Variants in SHISA9 observed in about 807,000 individuals in gnomAD.
SHISA9 encodes shisa family member 9.
SHISA9 carries 13 observed loss-of-function variants against 38.0 expected under a neutral mutation model. The ratio of observed to expected loss-of-function variants is 0.34; its 90% confidence interval spans 0.22 to 0.54. The LOEUF is 0.54. Among genes scored for constraint, SHISA9 ranks in the 20% least tolerant of loss-of-function variants. SHISA9 has a pLI of 0.91. For synonymous variants in SHISA9, 275 were observed against 242.0 expected (o/e 1.14, Z -1.27); for missense variants, 538 against 575.8 (o/e 0.93, Z 0.67).
intron 2 of SHISA9, among the ~76,000 whole-genome samples, chr16:13,022,610 T>G (rs12919932): frequency 0.45 from 69,018 of 151,788 alleles, 15,925 homozygotes; most frequent in Middle Eastern, 0.52. Flanking sequence ...GGGATTACAG[T>G]TGTAAGCCAC....
the SHISA9 span, among the ~76,000 whole-genome samples, chr16:13,363,309 T>C: frequency 6.6e-6 from 1 of 152,252 alleles, no homozygotes; most frequent in South Asian, 2.1e-4. Context: ...GGAAAGGTTT[T>C]TCTTGAGGAA....
chr16:13,325,345 T>C, the SHISA9 span, among the ~76,000 whole-genome samples: 1 of 152,228 alleles, frequency 6.6e-6, no homozygotes, highest in Non-Finnish European at 1.5e-5. Context: ...AAGATCTCTC[T>C]TTTCATGTTA....
chr16:13,221,793 A>G (rs573440069), intron 4 of SHISA9, among the ~76,000 whole-genome samples: 5 of 152,296 alleles, frequency 3.3e-5, no homozygotes, highest in Admixed American at 1.3e-4. Context: ...TCCATCTCTT[A>G]CTGTCTTAGC....
At position 13,235,469 on chromosome 16, in the gene SHISA9, C is replaced by A. The variant is rs1329051885; in HGVS notation, c.*60C>A. On this transcript the variant is annotated 3_prime_UTR_variant, in exon 5 of 5. Coordinates refer to ENST00000558583, the MANE Select transcript of SHISA9 (RefSeq NM_001145204.3). ...TCAACTGAGAGAGGCAAAAAACAAC[C>A]CCGCCCACACCCTCCCCATCCTCCC... 10 of 1,465,246 alleles carry A rather than the reference C, an allele frequency of 6.8e-6. No individual in the cohort carries two copies. Among genetic ancestry groups the A allele is most frequent in the Middle Eastern group, 3.6e-4 (2 of 5,610 alleles). 90.8% of individuals were successfully genotyped at this position (1,465,246 alleles called of 1,614,324 possible).
At chr16:13,225,113 A>T (rs1271224101) in intron 4 of SHISA9, among the ~76,000 whole-genome samples, 1 of 152,142 alleles carries the variant, frequency 6.6e-6, no homozygotes, top group African/African-American at 2.4e-5. Flanking sequence ...ACACACACAT[A>T]CACACACATG....
At chr16:13,270,504 A>C in the SHISA9 span, among the ~76,000 whole-genome samples, 5 of 152,226 alleles carry the variant, frequency 3.3e-5, no homozygotes, top group Non-Finnish European at 7.3e-5. Flanking sequence ...ATGTATTTAC[A>C]ATTAAATTGC....
the SHISA9 span, among the ~76,000 whole-genome samples, chr16:13,512,917 C>G: frequency 6.6e-6 from 1 of 152,196 alleles, no homozygotes; most frequent in African/African-American, 2.4e-5. Context: ...TGGAAGAAAA[C>G]CTAGGCAATA....
the SHISA9 span, among the ~76,000 whole-genome samples, chr16:13,482,154 T>C: frequency 2.0e-5 from 3 of 152,300 alleles, no homozygotes; most frequent in Admixed American, 1.3e-4. Context: ...GATTCAACCA[T>C]TGGGAGGCAT....
intron 2 of SHISA9, among the ~76,000 whole-genome samples, chr16:13,035,916 A>G (rs1012118792): frequency 2.6e-5 from 4 of 152,238 alleles, no homozygotes; most frequent in African/African-American, 9.6e-5. Context: ...TGCCGGTGTC[A>G]TTAGTCATCA....
rs1347699187 is a variant in SHISA9, at chr16:13,235,267, T to G, written c.1133T>G (p.Leu378Arg). The change falls in exon 5 of 5, where the codon CTC becomes CGC. Residue 378 changes from leucine (L) to arginine (R), a missense_variant. Leu to Arg is a moderately radical substitution (Grantham distance 102). This residue lies in a region of SHISA9 where 326 missense variants were observed against 305.9 expected (regional missense o/e 1.07). Coordinates refer to ENST00000558583, the MANE Select transcript of SHISA9 (RefSeq NM_001145204.3). ...GGCTGGGACCCCAACGAGCAGTCCC[T>G]CCGGCGGCAGGCTTACAGCAACAAG... ...FKGWDPNEQSLRRQAYSNKGK... is the reference protein window; with the variant it reads ...FKGWDPNEQSRRRQAYSNKGK... 7 of 1,551,586 alleles carry G rather than the reference T, an allele frequency of 4.5e-6. No individual in the cohort carries two copies. In the East Asian group the frequency reaches 1.7e-4, roughly 38 times the overall value.
At chr16:13,216,155 C>G (rs1390488282) in intron 4 of SHISA9, among the ~76,000 whole-genome samples, 1 of 149,348 alleles carries the variant, frequency 6.7e-6, no homozygotes, top group Non-Finnish European at 1.5e-5. Context: ...CCACTGCACT[C>G]CACCCTGGGC....
Position 13,237,403 on chromosome 16 carries a change from C to T in SHISA9, c.*1994C>T, listed in dbSNP as rs1024537478. The stretch of plus-strand genomic sequence containing the variant: ...TTTGACCAGGCACAGTGGCTCACAC[C>T]TAAAATCCCAGCACTTTGGGAGGCT... On this transcript the variant is annotated 3_prime_UTR_variant, in exon 5 of 5. Coordinates refer to ENST00000558583, the MANE Select transcript of SHISA9 (RefSeq NM_001145204.3). 1 of 151,998 alleles carries T rather than the reference C, an allele frequency of 6.6e-6. No individual in the cohort carries two copies. 9.4% of individuals were successfully genotyped at this position (151,998 alleles called of 1,614,324 possible).
intron 2 of SHISA9, among the ~76,000 whole-genome samples, chr16:13,115,824 C>G (rs1327049370): frequency 1.3e-5 from 2 of 152,332 alleles, no homozygotes; most frequent in Non-Finnish European, 1.5e-5. Context: ...TTTGCAAACC[C>G]TGCACTAACA....
intron 2 of SHISA9, among the ~76,000 whole-genome samples, chr16:13,019,782 TTCTTTCTTTCTTTC>T (rs1249558325): frequency 8.0e-6 from 1 of 124,518 alleles, no homozygotes; most frequent in Non-Finnish European, 1.7e-5. Context: ...CTTTCTTTCT[TTCTTTCTTTCTTTC>T]TTTCTTTCTT....
chr16:13,405,033 C>T, the SHISA9 span, among the ~76,000 whole-genome samples: 5 of 152,134 alleles, frequency 3.3e-5, no homozygotes, highest in African/African-American at 9.7e-5. Context: ...TCAGCTTCCA[C>T]GGTGGATGGT....
chr16:13,289,216 G>A, the SHISA9 span, among the ~76,000 whole-genome samples: 2 of 152,136 alleles, frequency 1.3e-5, no homozygotes, highest in East Asian at 3.9e-4. Flanking sequence ...GTGTTGTCCT[G>A]TCTCTTGTCT....
chr16:13,307,121 C>T, the SHISA9 span, among the ~76,000 whole-genome samples: 9 of 152,148 alleles, frequency 5.9e-5, no homozygotes, highest in Non-Finnish European at 2.9e-5. Context: ...CTCTACAAAC[C>T]TGGACAAGTC....
chr16:12,906,146 C>G (rs12600143), intron 1 of SHISA9, among the ~76,000 whole-genome samples: 17,422 of 152,194 alleles, frequency 0.11, 1,193 homozygotes, highest in South Asian at 0.28. Flanking sequence ...GTGAAATTAA[C>G]CTGCCAGTCA....
At chr16:12,990,990 A>C (rs1458776573) in intron 2 of SHISA9, among the ~76,000 whole-genome samples, 1 of 152,226 alleles carries the variant, frequency 6.6e-6, no homozygotes, top group African/African-American at 2.4e-5. Flanking sequence ...CAGAAATATT[A>C]TTCTTCCAAC....
Sources: allele counts gnomAD v4.1 joint callset (sites outside exome capture counted in the v4.1 genomes callset), GRCh38; gene constraint gnomAD v4.1.1; regional missense constraint gnomAD v4.1.1; transcripts MANE v1.5; gene names NCBI Gene and HGNC (gene_info 2026-07-23, HGNC 2026-07-21).